The following PDCD4 variants were observed in gnomAD, a reference collection of about 807,000 sequenced individuals.
PDCD4 encodes the protein programmed cell death 4, also known as programmed cell death protein 4.
In PDCD4, 56 loss-of-function variants were observed where a neutral mutation model predicts 54.0. That is an observed-to-expected ratio of 1.04 (90% CI 0.84 to 1.30). The LOEUF (loss-of-function observed/expected upper bound fraction) is 1.30. Among genes scored for constraint, PDCD4 ranks in the 50% most tolerant of loss-of-function variants. The pLI is 0.00. For synonymous variants in PDCD4, 186 were observed against 194.8 expected (o/e 0.95, Z 0.37); for missense variants, 584 against 559.8 (o/e 1.04, Z -0.44).
intron 3 of PDCD4, among the ~76,000 whole-genome samples, chr10:110,882,392 A>G (rs1845605667): frequency 6.6e-6 from 1 of 152,226 alleles, no homozygotes; most frequent in African/African-American, 2.4e-5. Context: ...AACTTTGAAA[A>G]TTGGAATTGT....
chr10:110,885,248 CA>C lies in PDCD4; in HGVS notation c.442-2del. The C allele has an allele frequency of 7.1e-7, 1 of 1,414,032 alleles. No homozygotes were observed. 87.6% of individuals were successfully genotyped at this position (1,414,032 alleles called of 1,614,324 possible). A position where few individuals can be genotyped will look rare whatever the true frequency, so the allele number is the denominator to read the frequency against. ...TATAACTCTTACTCCCTTTTCCCCTCAAAGGAGAACTGTGTTTATGAAACTG... is the reference window on the plus strand; with the variant it reads ...TATAACTCTTACTCCCTTTTCCCCTCAAGGAGAACTGTGTTTATGAAACTG... On this transcript the variant is annotated splice_polypyrimidine_tract_variant and splice_region_variant and intron_variant, in intron 4 of 11. Coordinates refer to ENST00000280154, the MANE Select transcript of PDCD4 (RefSeq NM_014456.5).
intron 1 of PDCD4, among the ~76,000 whole-genome samples, chr10:110,875,072 T>G (rs1172545384): frequency 1.3e-5 from 2 of 152,130 alleles, no homozygotes; most frequent in Admixed American, 1.3e-4. Context: ...AAAAAATACT[T>G]CTAGAGAGAT....
Position 110,887,661 on chromosome 10 carries a change from A to G in PDCD4, c.556-4A>G, listed in dbSNP as rs2135208857. On this transcript the variant is annotated splice_region_variant and splice_polypyrimidine_tract_variant and intron_variant, in intron 5 of 11. Transcript: ENST00000280154. Reference sequence around the variant, plus strand: ...AAATGTTTTTAAATTATTTTTTTGAACAGGAAATGTTAAGAGATTTAAATC... The same window carrying G: ...AAATGTTTTTAAATTATTTTTTTGAGCAGGAAATGTTAAGAGATTTAAATC... 1 of 1,591,624 alleles carries G rather than the reference A, an allele frequency of 6.3e-7. No individual in the cohort carries two copies. The highest frequency in any genetic ancestry group is 8.6e-7 in the Non-Finnish European group (1 of 1,163,226).
chr10:110,881,625 TGAGA>T (rs1390466212), intron 3 of PDCD4, 90 bp downstream of exon 3: 38 of 1,056,050 alleles, frequency 3.6e-5, no homozygotes, highest in Non-Finnish European at 1.4e-6. Context: ...GTTCTAGGAA[TGAGA>T]GAGATTCAAA....
In PDCD4 at chr10:110,887,833, A is replaced by G; in HGVS notation, c.724A>G (p.Lys242Glu). ...STTDVEKSFD[K>E]LLKDLPELAL... is the part of the protein sequence containing the mutation. The stretch of plus-strand genomic sequence containing the variant: ...AACTGATGTGGAAAAATCATTTGAT[A>G]AATTGTTGAAAGATCTACCTGAATT... The change falls in exon 6 of 12, where the codon AAA becomes GAA. Residue 242 changes from lysine (K) to glutamate (E), a missense_variant. By Grantham distance (56) the Lys-to-Glu change is moderately conservative. Coordinates refer to ENST00000280154, the MANE Select transcript of PDCD4 (RefSeq NM_014456.5). 2 of 1,613,710 alleles carry G rather than the reference A, an allele frequency of 1.2e-6. No individual in the cohort carries two copies. The highest frequency in any genetic ancestry group is 1.7e-6 in the Non-Finnish European group (2 of 1,179,698).
chr10:110,890,577 C>A lies in PDCD4; in HGVS notation c.897C>A (p.Thr299=), dbSNP rs775819518. The change falls in exon 8 of 12, where the codon ACC becomes ACA. Residue 299 remains threonine, a synonymous_variant. Transcript: ENST00000280154. ...GTAGAGCTGCTCTGGATAAGGCTACCGTGCTTCTGAGTATGTCTAAAGGTG... is the reference window on the plus strand; with the variant it reads ...GTAGAGCTGCTCTGGATAAGGCTACAGTGCTTCTGAGTATGTCTAAAGGTG... The part of the protein sequence containing the change: ...VQARAALDKA[T]VLLSMSKGGK... 6.2e-7 allele frequency: 1 copy of A among 1,611,646 alleles called. No homozygotes were observed. Among genetic ancestry groups the A allele is most frequent in the Admixed American group, 1.7e-5 (1 of 59,916 alleles).
intron 8 of PDCD4, 23 bp downstream of exon 8, chr10:110,890,693 A>T: frequency 1.4e-6 from 2 of 1,457,638 alleles, no homozygotes; most frequent in Non-Finnish European, 1.9e-6. Context: ...TATTGTTTTT[A>T]ACTTAATTTA....
Position 110,899,463 on chromosome 10 carries a change from A to AAAG in PDCD4, c.*1376_*1378dup, listed in dbSNP as rs760414646. The AAAG allele has an allele frequency of 6.6e-6, 1 of 152,204 alleles. No homozygotes were observed. Among genetic ancestry groups the AAAG allele is most frequent in the Non-Finnish European group, 1.5e-5 (1 of 68,036 alleles). The allele number at this position is 152,204 out of a possible 1,614,324, so 9.4% of individuals were successfully genotyped here. A position where few individuals can be genotyped will look rare whatever the true frequency, so the allele number is the denominator to read the frequency against. On this transcript the variant is annotated 3_prime_UTR_variant, in exon 12 of 12. Coordinates refer to ENST00000280154, the MANE Select transcript of PDCD4 (RefSeq NM_014456.5). Reference sequence around the variant, plus strand: ...CAAGTGCTTAAAATTAATGTAATTAAAAGCTTAGCTGACTACAGAATAGGT... The same window carrying AAAG: ...CAAGTGCTTAAAATTAATGTAATTAAAAGAAGCTTAGCTGACTACAGAATAGGT...
chr10:110,896,319 T>A (rs939395214), intron 11 of PDCD4, among the ~76,000 whole-genome samples: 2 of 152,180 alleles, frequency 1.3e-5, no homozygotes, highest in Non-Finnish European at 2.9e-5. Flanking sequence ...GCAGGTCCTT[T>A]GTTGTAAGTA....
chr10:110,889,640 T>C lies in PDCD4; in HGVS notation c.875+10T>C. Reference sequence around the variant, plus strand: ...ATTGTGTGCAGGCTAGGTAAGTAAATCACTTTTCCTACTTAGAATTTCAAA... The same window carrying C: ...ATTGTGTGCAGGCTAGGTAAGTAAACCACTTTTCCTACTTAGAATTTCAAA... On this transcript the variant is annotated intron_variant, in intron 7 of 11. Transcript: ENST00000280154. 6.9e-7 allele frequency: 1 copy of C among 1,443,002 alleles called. No individual in the cohort carries two copies. The highest frequency in any genetic ancestry group is 1.2e-5 in the South Asian group (1 of 83,390). The allele number at this position is 1,443,002 out of a possible 1,614,324, so 89.4% of individuals were successfully genotyped here. A position where few individuals can be genotyped will look rare whatever the true frequency, so the allele number is the denominator to read the frequency against.
At chr10:110,890,447 T>C (rs533120147) in intron 7 of PDCD4, 109 bp from the exon 8 acceptor site, 63 of 485,174 alleles carry the variant, frequency 1.3e-4, no homozygotes, top group African/African-American at 1.1e-3. Context: ...TTTGCTTTTA[T>C]GTTATGTGAA....
chr10:110,882,865 G>A (rs1231386047), intron 3 of PDCD4, 138 bp from the exon 4 acceptor site: 25 of 595,360 alleles, frequency 4.2e-5, no homozygotes, highest in Non-Finnish European at 7.1e-5. Context: ...AACCAGTAGG[G>A]GAAGAAAACT....
chr10:110,891,069 G>A (rs926118643), intron 8 of PDCD4, among the ~76,000 whole-genome samples: 3 of 152,102 alleles, frequency 2.0e-5, no homozygotes, highest in Non-Finnish European at 4.4e-5. Context: ...TGAATTATGA[G>A]CACTAGAGCA....
At chr10:110,876,156 A>G (rs1229819371) in intron 2 of PDCD4, 86 bp downstream of exon 2, 5 of 1,045,990 alleles carry the variant, frequency 4.8e-6, no homozygotes, top group Non-Finnish European at 7.0e-6. Context: ...CAGTGGTGTG[A>G]TCATGGCTCA....
chr10:110,884,005 C>A (rs992274916), intron 4 of PDCD4, among the ~76,000 whole-genome samples: 2 of 152,190 alleles, frequency 1.3e-5, no homozygotes, highest in Non-Finnish European at 2.9e-5. Flanking sequence ...ATATAGCAGT[C>A]CCCTCTTATC....
chr10:110,881,991 G>A (rs1462948113), intron 3 of PDCD4, among the ~76,000 whole-genome samples: 3 of 151,878 alleles, frequency 2.0e-5, no homozygotes, highest in Non-Finnish European at 4.4e-5. Context: ...CTTTATTTTG[G>A]GTTCTGTAGT....
intron 8 of PDCD4, among the ~76,000 whole-genome samples, chr10:110,891,318 T>G (rs1157391732): frequency 1.3e-5 from 2 of 149,638 alleles, no homozygotes; most frequent in Non-Finnish European, 1.5e-5. Context: ...GAGGCACCAG[T>G]ATTGCTTGAA....
At chr10:110,892,412 G>C (rs1845770182) in intron 8 of PDCD4, among the ~76,000 whole-genome samples, 1 of 152,288 alleles carries the variant, frequency 6.6e-6, no homozygotes, top group Non-Finnish European at 1.5e-5. Flanking sequence ...ACATTATTTG[G>C]ATATTTGCTT....
intron 6 of PDCD4, 104 bp downstream of exon 6, chr10:110,887,990 C>A: frequency 1.5e-6 from 1 of 667,770 alleles, no homozygotes. Context: ...AAGGGGATGG[C>A]CAACATTTCC....
Sources: allele counts gnomAD v4.1 joint callset (sites outside exome capture counted in the v4.1 genomes callset), GRCh38; gene constraint gnomAD v4.1.1; transcripts MANE v1.5; gene names NCBI Gene and HGNC (gene_info 2026-07-23, HGNC 2026-07-21).